STIM1: variants seen among roughly 807,000 people sequenced by gnomAD.
STIM1 encodes stromal interaction molecule 1.
A neutral mutation model predicts 74.7 loss-of-function variants in STIM1; 25 were observed. The observed-to-expected ratio is 0.33, with a 90% confidence interval of 0.24 to 0.47. The LOEUF is 0.47. STIM1 is among the 20% of genes least tolerant of loss of function. The pLI is 1.00. For synonymous variants in STIM1, 328 were observed against 348.8 expected (o/e 0.94, Z 0.66); for missense variants, 728 against 920.8 (o/e 0.79, Z 2.71).
At chr11:4,051,967 C>T (rs1007563181) in intron 3 of STIM1, among the ~76,000 whole-genome samples, 2 of 152,148 alleles carry the variant, frequency 1.3e-5, no homozygotes, top group Non-Finnish European at 2.9e-5. Flanking sequence ...CAAGAACAGA[C>T]AAACAGAGAG....
At chr11:3,919,515 T>G (rs1055294964) in intron 1 of STIM1, among the ~76,000 whole-genome samples, 24 of 148,878 alleles carry the variant, frequency 1.6e-4, no homozygotes, top group African/African-American at 5.7e-4. Context: ...TGAAACTGAG[T>G]TTTTTTTTTA....
At chr11:3,958,688 A>G (rs989468038) in intron 1 of STIM1, among the ~76,000 whole-genome samples, 2 of 152,046 alleles carry the variant, frequency 1.3e-5, no homozygotes, top group Non-Finnish European at 2.9e-5. Context: ...ACATTTCCAT[A>G]GTCAGGCGCA....
At chr11:3,997,087 T>C (rs867312899) in intron 2 of STIM1, among the ~76,000 whole-genome samples, 9 of 152,248 alleles carry the variant, frequency 5.9e-5, no homozygotes, top group Middle Eastern at 3.2e-3. Flanking sequence ...TTTCTCTGTC[T>C]TTGCCATTCT....
intron 2 of STIM1, among the ~76,000 whole-genome samples, chr11:3,994,019 T>C (rs1399714635): frequency 1.3e-5 from 2 of 152,224 alleles, no homozygotes; most frequent in African/African-American, 4.8e-5. Context: ...GGGGGTCACT[T>C]AAAGAGCTTC....
At chr11:3,886,577 A>G (rs1478001326) in intron 1 of STIM1, among the ~76,000 whole-genome samples, 4 of 149,656 alleles carry the variant, frequency 2.7e-5, no homozygotes, top group African/African-American at 1.0e-4. Flanking sequence ...AGTCCCAGCT[A>G]CTCGGGAGGC....
intron 1 of STIM1, among the ~76,000 whole-genome samples, chr11:3,882,448 A>C (rs572870153): frequency 2.0e-5 from 3 of 152,288 alleles, no homozygotes; most frequent in Non-Finnish European, 4.4e-5. Flanking sequence ...TGTTTATACA[A>C]TAATTTGTTT....
At chr11:3,866,426 T>A (rs898170780) in intron 1 of STIM1, among the ~76,000 whole-genome samples, 1 of 142,918 alleles carries the variant, frequency 7.0e-6, no homozygotes, top group East Asian at 2.1e-4. Flanking sequence ...CAGCTTGCTA[T>A]GTCTTTTTTT....
At chr11:3,903,415 C>T (rs2092397603) in intron 1 of STIM1, 2 of 152,224 alleles carry the variant, frequency 1.3e-5, no homozygotes, top group Admixed American at 1.3e-4. Context: ...GCAACCATCC[C>T]AGTTGCTTTG....
chr11:3,861,802 T>C (rs1305382590), intron 1 of STIM1, among the ~76,000 whole-genome samples: 1 of 152,184 alleles, frequency 6.6e-6, no homozygotes, highest in African/African-American at 2.4e-5. Context: ...CTTAGGGATA[T>C]GGGGCCTTCG....
chr11:4,052,898 A>G (rs2094255265), intron 3 of STIM1, among the ~76,000 whole-genome samples: 1 of 152,040 alleles, frequency 6.6e-6, no homozygotes, highest in African/African-American at 2.4e-5. Flanking sequence ...ACAAGAAAAA[A>G]CCCCATCAAA....
intron 2 of STIM1, among the ~76,000 whole-genome samples, chr11:3,993,051 T>C (rs1268926068): frequency 2.0e-5 from 3 of 147,352 alleles, no homozygotes; most frequent in Admixed American, 6.9e-5. Context: ...ATGTAGCAGC[T>C]AGAGAGCTTT....
intron 1 of STIM1, among the ~76,000 whole-genome samples, chr11:3,950,461 A>G (rs1439556354): frequency 6.6e-6 from 1 of 152,022 alleles, no homozygotes; most frequent in Non-Finnish European, 1.5e-5. Context: ...TGAGTCATGT[A>G]CCATTGTACA....
At chr11:3,952,707 T>C (rs944489610) in intron 1 of STIM1, among the ~76,000 whole-genome samples, 4 of 152,234 alleles carry the variant, frequency 2.6e-5, no homozygotes, top group Non-Finnish European at 5.9e-5. Flanking sequence ...TTCAGCTAGT[T>C]CAGTCATCAG....
intron 1 of STIM1, among the ~76,000 whole-genome samples, chr11:3,958,950 T>TTA (rs2093252907): frequency 7.4e-6 from 1 of 134,688 alleles, no homozygotes; most frequent in Admixed American, 7.5e-5. Context: ...AAACTCTGTC[T>TTA]AAAAAAAAAA....
At chr11:3,883,485 C>G (rs528495196) in intron 1 of STIM1, among the ~76,000 whole-genome samples, 2 of 152,334 alleles carry the variant, frequency 1.3e-5, no homozygotes, top group East Asian at 3.9e-4. Context: ...TCCCGAGTAG[C>G]TGGGATTACA....
rs1231956069 is a variant in STIM1 at position 4,018,473 on chromosome 11, A to G, written c.271-5400A>G. Among the ~76,000 whole-genome samples the G allele has an allele frequency of 9.0e-4, 133 of 147,006 alleles. 1 individual carries two copies. The highest frequency in any genetic ancestry group is 3.2e-3 in the African/African-American group (128 of 40,058). On this transcript the variant is annotated intron_variant, in intron 2 of 12. Coordinates refer to ENST00000526596, the MANE Select transcript of STIM1 (RefSeq NM_001382567.1). ...GACTCCGTCTCAAAAAAAAAAAAAAAAAAAAAAAAAAAACAAACAAAATTA... is the reference window on the plus strand; with the variant it reads ...GACTCCGTCTCAAAAAAAAAAAAAAGAAAAAAAAAAAAACAAACAAAATTA...
chr11:3,867,848 G>T (rs1329522973), intron 1 of STIM1, among the ~76,000 whole-genome samples: 2 of 140,774 alleles, frequency 1.4e-5, no homozygotes, highest in African/African-American at 5.2e-5. Context: ...TCACTGGCAG[G>T]CAGGCAGGCA....
At chr11:3,967,526 T>A (rs761863038) in intron 1 of STIM1, 26 bp from the exon 2 acceptor site, 1 of 1,613,958 alleles carries the variant, frequency 6.2e-7, no homozygotes, top group Non-Finnish European at 8.5e-7. Flanking sequence ...CTCTGAGTAA[T>A]TTTGTCTCTT....
At chr11:3,980,190 A>T (rs754421048) in intron 2 of STIM1, among the ~76,000 whole-genome samples, 1 of 152,228 alleles carries the variant, frequency 6.6e-6, no homozygotes, top group Non-Finnish European at 1.5e-5. Context: ...AGCTGATTAC[A>T]TATAAAGTTT....
Sources: gnomAD v4.1 joint callset for allele counts (sites outside exome capture counted in the v4.1 genomes callset) on GRCh38, gnomAD v4.1.1 for gene constraint, MANE v1.5 for transcripts, NCBI Gene and HGNC (gene_info 2026-07-23, HGNC 2026-07-21) for gene names.